Variants in GYG1 observed in about 807,000 individuals in gnomAD.
GYG1 encodes glycogenin-1.
Under a neutral mutation model 41.9 loss-of-function variants are expected in GYG1, and 44 were observed. That is an observed-to-expected ratio of 1.05 (90% CI 0.83 to 1.35). GYG1 has a LOEUF of 1.35. Ranked by LOEUF, GYG1 falls within the 40% of genes most tolerant of loss-of-function variation. The pLI, the probability that GYG1 is intolerant of heterozygous loss-of-function variation, is 0.00. For synonymous variants in GYG1, 141 were observed against 158.1 expected, an observed-to-expected ratio of 0.89 and a Z score of 0.81; for missense variants, 429 against 418.9, an observed-to-expected ratio of 1.02 and a Z score of -0.21.
rs1714769402 is a variant in GYG1, at chr3:149,028,504, T to G, written c.*1571T>G. 6.6e-6 allele frequency among the ~76,000 whole-genome samples: 1 copy of G among 152,118 alleles called. No individual in the cohort carries two copies. On this transcript the variant is annotated 3_prime_UTR_variant, in exon 8 of 8. Coordinates refer to ENST00000345003, the MANE Select transcript of GYG1 (RefSeq NM_004130.4). ...GTACAAAGAAGGACTTCTCAAAATT[T>G]TAGCTAGTCAGAGGTCTTTCTGGCT...
intron 5 of GYG1, among the ~76,000 whole-genome samples, chr3:149,020,580 G>A (rs1034186661): frequency 3.9e-5 from 6 of 152,148 alleles, no homozygotes; most frequent in Admixed American, 6.5e-5. Context: ...CAATGCCTGC[G>A]ACATATGAAT....
At position 149,028,175 on chromosome 3, in the gene GYG1, C is replaced by CA. The variant is rs762603460; in HGVS notation, c.*1246dup. 2.9e-4 allele frequency among the ~76,000 whole-genome samples: 44 copies of CA among 152,216 alleles called. No homozygotes were observed. The Middle Eastern group carries it at 0.031, about 106-fold the overall frequency. ...AAGAAACTTTAGAGGTTTGATTGGG[C>CA]AAAAGCTGCAAAGCTTTTGTGACTT... On this transcript the variant is annotated 3_prime_UTR_variant, in exon 8 of 8. Transcript: ENST00000345003.
intron 1 of GYG1, 85 bp downstream of exon 1, chr3:148,991,732 C>A (rs1343277003): frequency 4.5e-6 from 5 of 1,121,076 alleles, no homozygotes; most frequent in Non-Finnish European, 6.4e-6. Flanking sequence ...CGCCCTCAGC[C>A]CCGGAGTGTT....
At chr3:149,007,857 T>G (rs1386985140) in intron 4 of GYG1, 1 of 152,190 alleles carries the variant, frequency 6.6e-6, no homozygotes, top group East Asian at 1.9e-4. Flanking sequence ...GTTCTGCTGC[T>G]TGGGAGACTC....
chr3:149,014,887 C>T (rs1410176717), intron 5 of GYG1, among the ~76,000 whole-genome samples: 1 of 144,974 alleles, frequency 6.9e-6, no homozygotes, highest in African/African-American at 2.5e-5. Flanking sequence ...AAAAAAAAGG[C>T]ATAACTTCCT....
At chr3:149,003,050 A>T (rs1713183657) in intron 4 of GYG1, among the ~76,000 whole-genome samples, 1 of 151,986 alleles carries the variant, frequency 6.6e-6, no homozygotes, top group Admixed American at 6.6e-5. Context: ...GATAGAAGTG[A>T]GTCACATGTT....
At chr3:149,008,552 G>A (rs1465411554) in intron 4 of GYG1, among the ~76,000 whole-genome samples, 1 of 152,200 alleles carries the variant, frequency 6.6e-6, no homozygotes, top group East Asian at 1.9e-4. Flanking sequence ...CTTCCTTGTG[G>A]AAGCCTTCCT....
At chr3:149,018,940 T>C (rs891848509) in intron 5 of GYG1, among the ~76,000 whole-genome samples, 10 of 151,940 alleles carry the variant, frequency 6.6e-5, no homozygotes, top group African/African-American at 2.4e-4. Context: ...CATAGTGGCC[T>C]GTGCCTGTAG....
intron 5 of GYG1, among the ~76,000 whole-genome samples, chr3:149,018,991 A>T (rs1176523826): frequency 1.3e-5 from 2 of 150,994 alleles, no homozygotes; most frequent in Non-Finnish European, 2.9e-5. Context: ...AATTGCTTGC[A>T]CTTCAGAGGT....
intron 4 of GYG1, among the ~76,000 whole-genome samples, chr3:148,999,983 G>T (rs1316348771): frequency 6.6e-6 from 1 of 152,156 alleles, no homozygotes; most frequent in African/African-American, 2.4e-5. Context: ...GAAACTGGTG[G>T]GGCCTGATGT....
intron 4 of GYG1, among the ~76,000 whole-genome samples, chr3:149,005,482 T>C (rs1713346177): frequency 6.6e-6 from 1 of 152,228 alleles, no homozygotes; most frequent in African/African-American, 2.4e-5. Flanking sequence ...TTTATAGACA[T>C]TAGTTTTAAT....
chr3:149,017,683 C>T (rs1489091691), intron 5 of GYG1, among the ~76,000 whole-genome samples: 1 of 147,336 alleles, frequency 6.8e-6, no homozygotes, highest in Non-Finnish European at 1.5e-5. Context: ...GCAACCTCCG[C>T]CTCCTCCCAG....
rs535058291 is a variant in GYG1 at position 149,005,736 on chromosome 3, T to C, written c.482-3540T>C. Among the ~76,000 whole-genome samples, 24 of 152,336 alleles carry C rather than the reference T, an allele frequency of 1.6e-4. No individual in the cohort carries two copies. In the South Asian group the frequency reaches 4.1e-3, roughly 26 times the overall value. ...CTAATTCCTGATTGTATTTTGCACA[T>C]TAATTGTAAGAGTTTTTTAAAAACC... On this transcript the variant is annotated intron_variant, in intron 4 of 7. Coordinates refer to ENST00000345003, the MANE Select transcript of GYG1 (RefSeq NM_004130.4).
intron 3 of GYG1, 93 bp downstream of exon 3, chr3:148,996,569 G>A (rs1239536378): frequency 1.3e-5 from 17 of 1,284,802 alleles, no homozygotes; most frequent in Middle Eastern, 1.8e-4. Flanking sequence ...AAGACTTGAC[G>A]GTAAAGTTCA....
At chr3:149,001,983 C>T (rs529505371) in intron 4 of GYG1, among the ~76,000 whole-genome samples, 1 of 152,248 alleles carries the variant, frequency 6.6e-6, no homozygotes, top group East Asian at 1.9e-4. Context: ...CTCAAGTCTT[C>T]TATCTCTATT....
intron 1 of GYG1, chr3:148,992,267 T>A (rs975313464): frequency 6.4e-6 from 1 of 155,740 alleles, no homozygotes; most frequent in Non-Finnish European, 1.4e-5. Flanking sequence ...TTGCGAGGCG[T>A]CCGGGCCACT....
intron 1 of GYG1, among the ~76,000 whole-genome samples, chr3:148,993,672 G>A (rs1298306625): frequency 6.6e-6 from 1 of 152,148 alleles, no homozygotes; most frequent in African/African-American, 2.4e-5. Flanking sequence ...ACATTCCTGA[G>A]GCATGGCATA....
chr3:149,026,658 T>G, intron 7 of GYG1, 102 bp from the exon 8 acceptor site: 2 of 1,048,688 alleles, frequency 1.9e-6, no homozygotes, highest in Non-Finnish European at 3.0e-6. Context: ...TTTGCTACTT[T>G]GCATGATGAT....
chr3:149,008,976 G>T, intron 4 of GYG1: 1 of 318,474 alleles, frequency 3.1e-6, no homozygotes, highest in Non-Finnish European at 6.0e-6. Context: ...TGGCCAACAC[G>T]GTGAAACCCC....
Sources: allele counts gnomAD v4.1 joint callset (sites outside exome capture counted in the v4.1 genomes callset), GRCh38; gene constraint gnomAD v4.1.1; transcripts MANE v1.5; gene names NCBI Gene and HGNC (gene_info 2026-07-23, HGNC 2026-07-21).